EYS: variants seen among roughly 807,000 people sequenced by gnomAD.
The protein encoded by EYS is protein eyes shut homolog.
In EYS, 250 loss-of-function variants were observed where a neutral mutation model predicts 282.1. The ratio of observed to expected loss-of-function variants is 0.89; its 90% CI spans 0.80 to 0.98. The LOEUF is 0.98. EYS is among the 50% of genes least tolerant of loss of function. The pLI, the probability that EYS is intolerant of heterozygous loss-of-function variation, is 0.00. For synonymous variants in EYS, 1,355 were observed against 1,282.9 expected, an observed-to-expected ratio of 1.06 and a Z score of -1.20; for missense variants, 4,016 against 3,709.0, an observed-to-expected ratio of 1.08 and a Z score of -2.15.
intron 13 of EYS, among the ~76,000 whole-genome samples, chr6:65,010,363 G>A (rs536601162): frequency 6.6e-6 from 1 of 152,238 alleles, no homozygotes; most frequent in African/African-American, 2.4e-5. Flanking sequence ...ACTTGTGGCT[G>A]TCAGACAACC....
chr6:65,611,966 TTATC>T (rs1766017017), intron 2 of EYS, among the ~76,000 whole-genome samples: 1 of 151,980 alleles, frequency 6.6e-6, no homozygotes, highest in Non-Finnish European at 1.5e-5. Flanking sequence ...TTCTCAAAAT[TTATC>T]TAGTAATATA....
chr6:64,792,587 G>A (rs1583163573), intron 22 of EYS, among the ~76,000 whole-genome samples: 1 of 152,004 alleles, frequency 6.6e-6, no homozygotes, highest in Admixed American at 6.6e-5. Context: ...TTGAAAAATT[G>A]AGAAAATATA....
intron 26 of EYS, among the ~76,000 whole-genome samples, chr6:64,467,563 A>G (rs1656882341): frequency 6.6e-6 from 1 of 152,116 alleles, no homozygotes; most frequent in Non-Finnish European, 1.5e-5. Flanking sequence ...TACAGCTGGC[A>G]TCTGTGCACA....
intron 33 of EYS, among the ~76,000 whole-genome samples, chr6:64,022,733 C>CT (rs1242390697): frequency 5.3e-5 from 8 of 152,198 alleles, no homozygotes; most frequent in Non-Finnish European, 8.8e-5. Flanking sequence ...TGCTGTGACT[C>CT]TAAGAATAGT....
chr6:65,638,476 AG>A (rs1767166418), intron 2 of EYS, among the ~76,000 whole-genome samples: 1 of 152,158 alleles, frequency 6.6e-6, no homozygotes, highest in Non-Finnish European at 1.5e-5. Context: ...CGCCAGACCT[AG>A]GGGCTCCCCG....
chr6:64,330,473 A>G (rs1770598855), intron 29 of EYS, among the ~76,000 whole-genome samples: 1 of 152,220 alleles, frequency 6.6e-6, no homozygotes, highest in African/African-American at 2.4e-5. Context: ...AAAGAAATCA[A>G]GAAGGCCTTG....
At chr6:65,040,962 C>T (rs1772916080) in intron 13 of EYS, among the ~76,000 whole-genome samples, 1 of 151,656 alleles carries the variant, frequency 6.6e-6, no homozygotes, top group African/African-American at 2.4e-5. Context: ...CACTGGAATT[C>T]ACTTAAAATC....
chr6:63,898,502 AAT>A lies in EYS; in HGVS notation c.7056-34146_7056-34145del, dbSNP rs1319414357. Among the ~76,000 whole-genome samples, 53 of 23,926 alleles carry A rather than the reference AAT, an allele frequency of 2.2e-3. 1 individual carries two copies. Among genetic ancestry groups the A allele is most frequent in the Non-Finnish European group, 7.9e-3 (43 of 5,436 alleles). 15.7% of individuals were successfully genotyped at this position (23,926 alleles called of 152,430 possible). ...CGAGATTCCATCTCAAAATAATAAT[AAT>A]AAAAATAAATAAATAAAATAAAAAA... On this transcript the variant is annotated intron_variant, in intron 35 of 42. Transcript: ENST00000503581.
chr6:64,033,923 C>T (rs1276088844), intron 33 of EYS, among the ~76,000 whole-genome samples: 2 of 151,864 alleles, frequency 1.3e-5, no homozygotes, highest in African/African-American at 2.4e-5. Flanking sequence ...TTGGCCTTAA[C>T]AAATATTCAG....
intron 2 of EYS, among the ~76,000 whole-genome samples, chr6:65,620,119 A>G (rs1219803653): frequency 6.6e-6 from 1 of 152,192 alleles, no homozygotes; most frequent in African/African-American, 2.4e-5. Context: ...GAATAGTTTC[A>G]GAAGGAATGG....
At chr6:64,809,654 GA>G (rs1764536782) in intron 22 of EYS, among the ~76,000 whole-genome samples, 1 of 151,992 alleles carries the variant, frequency 6.6e-6, no homozygotes, top group Non-Finnish European at 1.5e-5. Flanking sequence ...AAAAAATAAT[GA>G]AATTATGCCC....
chr6:64,796,743 A>T (rs1774366464), intron 22 of EYS, among the ~76,000 whole-genome samples: 1 of 152,170 alleles, frequency 6.6e-6, no homozygotes, highest in East Asian at 1.9e-4. Context: ...GTGGAGTTGA[A>T]TATGAACATT....
chr6:64,061,979 G>GT (rs1771187928), intron 33 of EYS, among the ~76,000 whole-genome samples: 1 of 150,326 alleles, frequency 6.7e-6, no homozygotes. Context: ...AAAAAAAAAA[G>GT]TTTTTAGCCA....
intron 29 of EYS, among the ~76,000 whole-genome samples, chr6:64,357,290 A>G (rs2150406675): frequency 6.7e-6 from 1 of 150,166 alleles, no homozygotes; most frequent in Middle Eastern, 3.4e-3. Context: ...CACATAAAGT[A>G]AACAATAACA....
At chr6:64,163,744 C>T (rs1347309135) in intron 31 of EYS, among the ~76,000 whole-genome samples, 1 of 151,930 alleles carries the variant, frequency 6.6e-6, no homozygotes, top group Non-Finnish European at 1.5e-5. Flanking sequence ...TAATCTGGCA[C>T]TTTAGAAAAA....
At chr6:64,395,224 CG>C (rs1773319247) in intron 28 of EYS, among the ~76,000 whole-genome samples, 2 of 151,950 alleles carry the variant, frequency 1.3e-5, no homozygotes, top group Non-Finnish European at 2.9e-5. Context: ...GTCAGTGTGG[CG>C]ATTCCTCAGG....
chr6:64,971,864 C>T (rs1770306941), intron 14 of EYS, among the ~76,000 whole-genome samples: 1 of 151,964 alleles, frequency 6.6e-6, no homozygotes, highest in Non-Finnish European at 1.5e-5. Flanking sequence ...TTTGTTGTTA[C>T]AGAAAAGTAA....
At chr6:64,347,784 C>T (rs910430641) in intron 29 of EYS, among the ~76,000 whole-genome samples, 3 of 151,278 alleles carry the variant, frequency 2.0e-5, no homozygotes, top group African/African-American at 7.3e-5. Flanking sequence ...CTTATCTACC[C>T]CTTTCCTAAT....
chr6:63,932,742 C>CCA (rs1198599447), intron 35 of EYS, among the ~76,000 whole-genome samples: 2 of 152,198 alleles, frequency 1.3e-5, no homozygotes, highest in Admixed American at 1.3e-4. Flanking sequence ...GGGGTTTTCC[C>CCA]CACACACCAA....
Sources: allele counts gnomAD v4.1 joint callset (sites outside exome capture counted in the v4.1 genomes callset), GRCh38; gene constraint gnomAD v4.1.1; transcripts MANE v1.5; gene names NCBI Gene and HGNC (gene_info 2026-07-23, HGNC 2026-07-21).